Variants in EPB41 observed in about 807,000 individuals in gnomAD.
EPB41 encodes erythrocyte membrane protein band 4.1, also known as protein 4.1.
In EPB41, 65 loss-of-function variants were observed where a neutral mutation model predicts 108.0. That is an observed-to-expected ratio of 0.60 (90% confidence interval 0.49 to 0.74). EPB41 has a LOEUF of 0.74. EPB41 is among the 30% of genes least tolerant of loss of function. The pLI, the probability that EPB41 is intolerant of heterozygous loss-of-function variation, is 0.00. For synonymous variants in EPB41, 336 were observed against 358.9 expected, an observed-to-expected ratio of 0.94 and a Z score of 0.72; for missense variants, 875 against 1,037.0, an observed-to-expected ratio of 0.84 and a Z score of 2.15.
At chr1:29,107,578 C>T (rs1209411887) in intron 17 of EPB41, among the ~76,000 whole-genome samples, 3 of 151,874 alleles carry the variant, frequency 2.0e-5, no homozygotes, top group South Asian at 2.1e-4. Context: ...CGGCTGGGCG[C>T]GGTGGCTCAA....
chr1:29,088,742 A>G (rs1317779657), intron 16 of EPB41, among the ~76,000 whole-genome samples: 2 of 152,312 alleles, frequency 1.3e-5, no homozygotes, highest in East Asian at 3.9e-4. Flanking sequence ...GACTCTGTTA[A>G]GAGGAGTTTG....
rs533366480 is a variant in EPB41, at chr1:28,896,262, G to A, written c.-8+9052G>A. ...ATTATTATAATTATGAATATTATTT[G>A]GGGATTATAAAGATGTTCCTCTTGG... On this transcript the variant is annotated intron_variant, in intron 1 of 16. Transcript: ENST00000347529. Among the ~76,000 whole-genome samples, 390 of 152,188 alleles carry A rather than the reference G, an allele frequency of 2.6e-3. 1 individual carries two copies. The highest frequency in any genetic ancestry group is 4.2e-3 in the Non-Finnish European group (289 of 68,028).
intron 6 of EPB41, among the ~76,000 whole-genome samples, chr1:29,016,206 G>A (rs1336870031): frequency 1.3e-5 from 2 of 151,834 alleles, no homozygotes; most frequent in Admixed American, 1.3e-4. Flanking sequence ...ACGGAGTCTC[G>A]CTCTTGTCGC....
chr1:29,027,336 ATT>A (rs200392956), intron 7 of EPB41, among the ~76,000 whole-genome samples: 10 of 140,704 alleles, frequency 7.1e-5, no homozygotes, highest in African/African-American at 1.3e-4. Context: ...GTCTCTCAAC[ATT>A]TTTTTTTTTT....
intron 1 of EPB41, among the ~76,000 whole-genome samples, chr1:28,892,160 G>A (rs1192695438): frequency 6.7e-6 from 1 of 148,216 alleles, no homozygotes; most frequent in Non-Finnish European, 1.5e-5. Flanking sequence ...ACCAGGCATT[G>A]TACTCAACTT....
intron 1 of EPB41, among the ~76,000 whole-genome samples, chr1:28,937,820 T>C (rs2094110087): frequency 6.6e-6 from 1 of 152,264 alleles, no homozygotes; most frequent in Non-Finnish European, 1.5e-5. Context: ...CTAGGAATTT[T>C]ATGTTAGCTC....
chr1:29,000,384 G>A (rs1161487939), intron 4 of EPB41, among the ~76,000 whole-genome samples: 1 of 152,234 alleles, frequency 6.6e-6, no homozygotes, highest in Non-Finnish European at 1.5e-5. Flanking sequence ...ACAGGCGTGA[G>A]TCACTGCACC....
At chr1:28,951,820 C>T (rs1215839069) in intron 1 of EPB41, among the ~76,000 whole-genome samples, 1 of 152,118 alleles carries the variant, frequency 6.6e-6, no homozygotes, top group East Asian at 1.9e-4. Flanking sequence ...TGCCATTGTA[C>T]TGCAGCCTGA....
At chr1:29,047,216 T>G (rs964410943) in intron 11 of EPB41, among the ~76,000 whole-genome samples, 1 of 151,730 alleles carries the variant, frequency 6.6e-6, no homozygotes, top group African/African-American at 2.4e-5. Context: ...TTGTTTCAGT[T>G]TTGATAAATT....
intron 4 of EPB41, among the ~76,000 whole-genome samples, chr1:29,005,410 A>G (rs919771382): frequency 6.6e-6 from 1 of 152,188 alleles, no homozygotes; most frequent in African/African-American, 2.4e-5. Flanking sequence ...GGGGATACAC[A>G]TCCAAACAAT....
chr1:28,985,105 A>G (rs536640621), intron 1 of EPB41, among the ~76,000 whole-genome samples: 5 of 152,170 alleles, frequency 3.3e-5, no homozygotes, highest in African/African-American at 1.2e-4. Context: ...GCTGGATTAC[A>G]AGCGCCTGCC....
chr1:28,989,704 C>T (rs1002835071), intron 2 of EPB41, among the ~76,000 whole-genome samples: 2 of 152,068 alleles, frequency 1.3e-5, no homozygotes, highest in South Asian at 2.1e-4. Context: ...CTATAGAATC[C>T]GACTAGAGGG....
At chr1:28,974,197 G>A (rs183897665) in intron 1 of EPB41, among the ~76,000 whole-genome samples, 122 of 152,278 alleles carry the variant, frequency 8.0e-4, no homozygotes, top group African/African-American at 2.9e-3. Context: ...GAACTGAGGG[G>A]CTGTTACTGT....
chr1:29,029,961 A>G (rs1392950870), intron 7 of EPB41, among the ~76,000 whole-genome samples: 1 of 152,174 alleles, frequency 6.6e-6, no homozygotes, highest in Non-Finnish European at 1.5e-5. Context: ...GTATGGAGAG[A>G]AAAAGGCAGC....
chr1:28,993,292 G>A (rs1419310194), intron 2 of EPB41, 38 bp from the exon 3 acceptor site: 1 of 1,531,596 alleles, frequency 6.5e-7, no homozygotes. Context: ...TTTGTGAAAT[G>A]TGTTTATTAC....
intron 1 of EPB41, among the ~76,000 whole-genome samples, chr1:28,901,176 G>A (rs552715277): frequency 1.3e-4 from 19 of 151,854 alleles, no homozygotes; most frequent in East Asian, 3.9e-4. Context: ...TGATCCGCCC[G>A]CCTTGGCCTC....
At position 29,112,471 on chromosome 1, in the gene EPB41, G is replaced by T. The variant is rs778386390; in HGVS notation, c.2496+23G>T. 6 of 1,596,140 alleles carry T rather than the reference G, an allele frequency of 3.8e-6. No individual in the cohort carries two copies. The African/African-American group carries it at 8.0e-5, about 21-fold the overall frequency. On this transcript the variant is annotated intron_variant, in intron 19 of 20. Coordinates refer to ENST00000343067, the MANE Select transcript of EPB41 (RefSeq NM_001376013.1). ...CAGGTGGGAATGTTGAAGAGATCTG[G>T]GCCTGGGAGGGGTCCCTGGGCAGGA...
At chr1:28,956,378 A>G (rs2094951496) in intron 1 of EPB41, among the ~76,000 whole-genome samples, 1 of 152,262 alleles carries the variant, frequency 6.6e-6, no homozygotes, top group Non-Finnish European at 1.5e-5. Context: ...CACCTCCAGC[A>G]TAAATAAGAC....
chr1:29,030,433 T>C lies in EPB41; in HGVS notation c.1158T>C (p.Phe386=). The change falls in exon 8 of 21, where the codon TTT becomes TTC. Residue 386 remains phenylalanine, a synonymous_variant. Transcript: ENST00000343067. ...SMTPAQADLE[F]LENAKKLSMY... ...CTCCAGCTCAGGCTGACTTGGAGTT[T>C]CTTGAGAATGCCAAAAAGTTGTCTA... The C allele has an allele frequency of 6.2e-7, 1 of 1,614,180 alleles. No individual in the cohort carries two copies. Among genetic ancestry groups the C allele is most frequent in the East Asian group, 2.2e-5 (1 of 44,856 alleles).
Sources: gnomAD v4.1 joint callset for allele counts (sites outside exome capture counted in the v4.1 genomes callset) on GRCh38, gnomAD v4.1.1 for gene constraint, MANE v1.5 for transcripts, NCBI Gene and HGNC (gene_info 2026-07-23, HGNC 2026-07-21) for gene names.